Variants in NBAS observed in about 807,000 individuals in gnomAD.
NBAS encodes NBAS subunit of NRZ tethering complex.
Under a neutral mutation model 302.5 loss-of-function variants are expected in NBAS, and 219 were observed. The observed-to-expected ratio is 0.72, with a 90% CI of 0.65 to 0.81. The LOEUF (loss-of-function observed/expected upper bound fraction) is 0.81. NBAS is among the 30% of genes least tolerant of loss of function. The pLI is 0.00. For synonymous variants in NBAS, 1,118 were observed against 1,021.6 expected (o/e 1.09, Z -1.80); for missense variants, 2,932 against 2,841.6 (o/e 1.03, Z -0.72).
chr2:14,957,340 A>C, the NBAS span, among the ~76,000 whole-genome samples: 1 of 151,556 alleles, frequency 6.6e-6, no homozygotes, highest in Non-Finnish European at 1.5e-5. Context: ...AGTGAAATGC[A>C]ATGTAATTTT....
Position 15,287,087 on chromosome 2 carries a change from G to A in NBAS, c.5124C>T (p.Leu1708=), listed in dbSNP as rs1052242007. ...WEVFMTHLEF[L]FTDSGLSTLE... ...TGTGTGCTTACCCACTGTCCGTGAA[G>A]AGGAACTCCAAATGGGTCATAAAAA... The change falls in exon 42 of 52, where the codon CTC becomes CTT. Residue 1708 remains leucine (L), a synonymous_variant. Coordinates refer to ENST00000281513, the MANE Select transcript of NBAS (RefSeq NM_015909.4). The A allele has an allele frequency of 6.2e-7, 1 of 1,611,392 alleles. No homozygotes were observed. The highest frequency in any genetic ancestry group is 1.7e-4 in the Middle Eastern group (1 of 6,058).
the NBAS span, among the ~76,000 whole-genome samples, chr2:14,935,476 A>AT: frequency 3.3e-5 from 5 of 151,980 alleles, no homozygotes; most frequent in Admixed American, 2.6e-4. Flanking sequence ...CATCTTGGTC[A>AT]TTTTTTTATG....
At chr2:15,348,860 G>T (rs2148290254) in intron 35 of NBAS, among the ~76,000 whole-genome samples, 1 of 152,262 alleles carries the variant, frequency 6.6e-6, no homozygotes, top group South Asian at 2.1e-4. Context: ...CCAGTGACCG[G>T]ACAATACCAC....
intron 38 of NBAS, among the ~76,000 whole-genome samples, chr2:15,321,036 C>G (rs563494311): frequency 1.3e-5 from 2 of 152,192 alleles, no homozygotes; most frequent in East Asian, 3.9e-4. Context: ...GGTACTGGTA[C>G]CAAAACAGAG....
At chr2:15,038,080 AAT>A in the NBAS span, among the ~76,000 whole-genome samples, 23 of 140,670 alleles carry the variant, frequency 1.6e-4, no homozygotes, top group South Asian at 4.4e-4. Context: ...ATAATTATAT[AAT>A]ATATATATAT....
the NBAS span, among the ~76,000 whole-genome samples, chr2:15,154,286 T>A: frequency 6.6e-6 from 1 of 152,228 alleles, no homozygotes; most frequent in Non-Finnish European, 1.5e-5. Flanking sequence ...TTAGATTCTA[T>A]CCCCAACTCA....
intron 48 of NBAS, among the ~76,000 whole-genome samples, chr2:15,197,580 A>G (rs1253137639): frequency 2.0e-5 from 3 of 152,170 alleles, no homozygotes; most frequent in African/African-American, 7.2e-5. Context: ...TCCTCAACTA[A>G]TAAGTTTATG....
chr2:15,480,070 G>T (rs943293404), intron 12 of NBAS, among the ~76,000 whole-genome samples: 1 of 150,738 alleles, frequency 6.6e-6, no homozygotes, highest in African/African-American at 2.5e-5. Flanking sequence ...GCCAGGCATG[G>T]TGGCTCACGC....
intron 21 of NBAS, among the ~76,000 whole-genome samples, chr2:15,448,334 A>C (rs138727602): frequency 7.2e-5 from 11 of 152,282 alleles, no homozygotes; most frequent in Admixed American, 2.0e-4. Context: ...TATCACCACC[A>C]TTACTGTCTA....
the NBAS span, among the ~76,000 whole-genome samples, chr2:15,130,691 C>A: frequency 3.9e-5 from 6 of 152,244 alleles, no homozygotes; most frequent in Non-Finnish European, 7.3e-5. Flanking sequence ...GCCTTTCTGA[C>A]CCTGAAACAT....
downstream of NBAS, among the ~76,000 whole-genome samples, chr2:15,166,064 C>T (rs866666717): frequency 4.1e-4 from 63 of 152,230 alleles, no homozygotes; most frequent in Admixed American, 3.3e-3. Flanking sequence ...TCAGGGGGGG[C>T]GAAGTCTAGA....
chr2:14,809,292 T>TC, the NBAS span, among the ~76,000 whole-genome samples: 1 of 152,110 alleles, frequency 6.6e-6, no homozygotes, highest in African/African-American at 2.4e-5. Context: ...TGGCAGCCCC[T>TC]CCCACCACAG....
At position 15,379,537 on chromosome 2, in the gene NBAS, A is replaced by T. The variant is rs12988813; in HGVS notation, c.3590+65T>A. 3 of 1,453,172 alleles carry T rather than the reference A, an allele frequency of 2.1e-6. No homozygotes were observed. In the African/African-American group the frequency reaches 4.2e-5, roughly 20 times the overall value. The allele number at this position is 1,453,172 out of a possible 1,614,324, so 90.0% of individuals were successfully genotyped here. A position where few individuals can be genotyped will look rare whatever the true frequency, so the allele number is the denominator to read the frequency against. On this transcript the variant is annotated intron_variant, in intron 30 of 51. Transcript: ENST00000281513. ...AATATATTTGGTAAAGAAAAGAATA[A>T]CAATGCAGTTTGTACATTCTGACTT...
At chr2:15,067,821 C>T in the NBAS span, among the ~76,000 whole-genome samples, 1 of 152,136 alleles carries the variant, frequency 6.6e-6, no homozygotes, top group East Asian at 1.9e-4. Context: ...TACCTCATGT[C>T]AAGTGTTCTT....
At chr2:15,281,994 A>C (rs1432634793) in intron 42 of NBAS, among the ~76,000 whole-genome samples, 1 of 152,208 alleles carries the variant, frequency 6.6e-6, no homozygotes, top group Non-Finnish European at 1.5e-5. Context: ...AGTCCTAATC[A>C]AATAATCTGT....
chr2:14,982,468 C>T, the NBAS span, among the ~76,000 whole-genome samples: 1 of 152,030 alleles, frequency 6.6e-6, no homozygotes, highest in African/African-American at 2.4e-5. Context: ...ACACGGAGTC[C>T]AGGAAAAAAG....
chr2:14,787,682 A>G, the NBAS span, among the ~76,000 whole-genome samples: 12 of 152,198 alleles, frequency 7.9e-5, no homozygotes, highest in South Asian at 2.1e-4. Context: ...AGTTTCTGCC[A>G]AGAGATCCGC....
chr2:15,458,220 G>GA (rs1440956579), intron 21 of NBAS, among the ~76,000 whole-genome samples: 1 of 152,166 alleles, frequency 6.6e-6, no homozygotes, highest in African/African-American at 2.4e-5. Flanking sequence ...TGAAAATAAA[G>GA]AAAGAATTAT....
chr2:15,519,101 G>A (rs1174258088), intron 9 of NBAS, among the ~76,000 whole-genome samples: 1 of 152,150 alleles, frequency 6.6e-6, no homozygotes, highest in Admixed American at 6.5e-5. Flanking sequence ...GAAGTATCAA[G>A]TTCAACTAAC....
Sources: allele counts gnomAD v4.1 joint callset (sites outside exome capture counted in the v4.1 genomes callset), GRCh38; gene constraint gnomAD v4.1.1; transcripts MANE v1.5; gene names NCBI Gene and HGNC (gene_info 2026-07-23, HGNC 2026-07-21).